The following COL11A1 variants were observed in gnomAD, a reference collection of about 807,000 sequenced individuals.
The protein encoded by COL11A1 is collagen type XI alpha 1 chain.
COL11A1 carries 74 observed loss-of-function variants against 265.2 expected under a neutral mutation model. That is an observed-to-expected ratio of 0.28 (90% CI 0.23 to 0.34). COL11A1 has a LOEUF of 0.34. Among genes scored for constraint, COL11A1 ranks in the 10% least tolerant of loss-of-function variants. The pLI is 1.00. For synonymous variants in COL11A1, 816 were observed against 727.6 expected (o/e 1.12, Z -1.96); for missense variants, 2,165 against 2,263.6 (o/e 0.96, Z 0.88).
In COL11A1 at chr1:103,031,200, T is replaced by C. The variant is rs757477590; in HGVS notation, c.696A>G (p.Ala232=). ...QFLITGDPKA[A]YDYCEHYSPD... is the part of the protein sequence containing the mutation. Reference sequence around the variant, plus strand: ...GACTATAATGCTCACAGTAGTCATATGCTGCCTTGGGATCACCTGTGATCA... The same window carrying C: ...GACTATAATGCTCACAGTAGTCATACGCTGCCTTGGGATCACCTGTGATCA... The change falls in exon 5 of 67, where the codon GCA becomes GCG. Residue 232 remains alanine (A), a synonymous_variant. Transcript: ENST00000370096. The C allele has an allele frequency of 6.2e-7, 1 of 1,610,812 alleles. No homozygotes were observed. Among genetic ancestry groups the C allele is most frequent in the Non-Finnish European group, 8.5e-7 (1 of 1,179,602 alleles).
At chr1:102,935,599 T>C (rs1658053988) in intron 44 of COL11A1, among the ~76,000 whole-genome samples, 1 of 152,186 alleles carries the variant, frequency 6.6e-6, no homozygotes, top group African/African-American at 2.4e-5. Flanking sequence ...TGTAAACTAA[T>C]TGTTATATAT....
At chr1:103,068,291 C>A (rs1342233654) in intron 4 of COL11A1, among the ~76,000 whole-genome samples, 2 of 151,462 alleles carry the variant, frequency 1.3e-5, no homozygotes, top group Non-Finnish European at 3.0e-5. Flanking sequence ...AAAGTTATTT[C>A]TAAATATTTG....
At chr1:102,973,763 C>T (rs1455175809) in intron 36 of COL11A1, among the ~76,000 whole-genome samples, 1 of 152,028 alleles carries the variant, frequency 6.6e-6, no homozygotes, top group East Asian at 1.9e-4. Context: ...CAATACTTTC[C>T]TAATATCTTT....
intron 6 of COL11A1, chr1:103,026,011 G>C (rs1667482737): frequency 1.1e-5 from 17 of 1,537,854 alleles, no homozygotes; most frequent in Non-Finnish European, 9.0e-7. Flanking sequence ...GGGAAATATA[G>C]AGCACAGATG....
intron 44 of COL11A1, 49 bp from the exon 45 acceptor site, chr1:102,935,162 C>T (rs1658017269): frequency 2.7e-6 from 4 of 1,496,936 alleles, no homozygotes; most frequent in Middle Eastern, 1.7e-4. Flanking sequence ...CCAGAAGAGC[C>T]TCAGCCATAT....
At chr1:102,975,261 C>T (rs563545576) in intron 35 of COL11A1, among the ~76,000 whole-genome samples, 12 of 132,908 alleles carry the variant, frequency 9.0e-5, no homozygotes, top group Middle Eastern at 3.9e-3. Flanking sequence ...TCCACAGCCC[C>T]GCTTAAAAAA....
At chr1:103,019,728 T>TCCCTCCC (rs1351279054) in intron 9 of COL11A1, among the ~76,000 whole-genome samples, 2 of 119,766 alleles carry the variant, frequency 1.7e-5, no homozygotes, top group Admixed American at 9.1e-5. Context: ...CCCAATGCTA[T>TCCCTCCC]CCCTCCCCCC....
Position 102,935,259 on chromosome 1 carries a change from A to T in COL11A1, c.3439-146T>A, listed in dbSNP as rs184863668. On this transcript the variant is annotated intron_variant, in intron 44 of 66. Coordinates refer to ENST00000370096, the MANE Select transcript of COL11A1 (RefSeq NM_001854.4). ...CATCACATAGAATTATTTTGCATTT[A>T]CTGCAATCATTATTTATTTTACTCC... 1.8e-4 allele frequency: 118 copies of T among 660,820 alleles called. 1 individual carries two copies. In the African/African-American group the frequency reaches 2.1e-3, roughly 12 times the overall value. 40.9% of individuals were successfully genotyped at this position (660,820 alleles called of 1,614,324 possible). A position where few individuals can be genotyped will look rare whatever the true frequency, so the allele number is the denominator to read the frequency against.
intron 24 of COL11A1, chr1:103,001,349 G>C (rs190934178): frequency 1.8e-5 from 7 of 396,086 alleles, no homozygotes; most frequent in Non-Finnish European, 2.7e-5. Flanking sequence ...AAAAGGTGTT[G>C]GAAAGAGCCA....
intron 5 of COL11A1, among the ~76,000 whole-genome samples, chr1:103,030,005 C>T (rs1015441433): frequency 1.3e-5 from 2 of 151,912 alleles, no homozygotes; most frequent in African/African-American, 4.8e-5. Flanking sequence ...ACAGTAAATG[C>T]TATAAATTTT....
intron 35 of COL11A1, among the ~76,000 whole-genome samples, chr1:102,978,391 T>C (rs1216189119): frequency 2.0e-5 from 3 of 152,160 alleles, no homozygotes; most frequent in Non-Finnish European, 2.9e-5. Flanking sequence ...AGCAAGCTGA[T>C]TGGAGAAGAG....
chr1:103,100,905 A>C (rs139850562), intron 1 of COL11A1, among the ~76,000 whole-genome samples: 3 of 152,078 alleles, frequency 2.0e-5, no homozygotes, highest in Non-Finnish European at 4.4e-5. Context: ...ACTTCCAGGA[A>C]AACTGTCTCA....
At chr1:102,995,124 T>C (rs1232397620) in intron 28 of COL11A1, among the ~76,000 whole-genome samples, 2 of 152,104 alleles carry the variant, frequency 1.3e-5, no homozygotes, top group Non-Finnish European at 2.9e-5. Context: ...AGATGAGATT[T>C]GGGTGGGCAT....
At chr1:103,022,207 A>G (rs1158145925) in intron 8 of COL11A1, among the ~76,000 whole-genome samples, 1 of 151,828 alleles carries the variant, frequency 6.6e-6, no homozygotes, top group African/African-American at 2.4e-5. Context: ...ATTTAAAACA[A>G]CCTATTAAAA....
At chr1:102,968,726 T>A (rs1661673539) in intron 37 of COL11A1, among the ~76,000 whole-genome samples, 1 of 152,162 alleles carries the variant, frequency 6.6e-6, no homozygotes, top group Admixed American at 6.5e-5. Flanking sequence ...GGAATATAAT[T>A]TTTTCAGAAA....
intron 54 of COL11A1, among the ~76,000 whole-genome samples, chr1:102,903,454 T>A (rs1202613163): frequency 6.6e-6 from 1 of 152,146 alleles, no homozygotes; most frequent in Non-Finnish European, 1.5e-5. Flanking sequence ...ATAAAAAAAA[T>A]TGTGGCTTTT....
intron 28 of COL11A1, among the ~76,000 whole-genome samples, chr1:102,991,630 G>A (rs1664144287): frequency 6.6e-6 from 1 of 152,134 alleles, no homozygotes; most frequent in Admixed American, 6.6e-5. Context: ...ATTAACCTGT[G>A]AGTCTCCAGT....
intron 66 of COL11A1, 22 bp downstream of exon 66, chr1:102,879,661 G>A: frequency 6.2e-7 from 1 of 1,602,976 alleles, no homozygotes; most frequent in Admixed American, 1.7e-5. Flanking sequence ...TGTGAAGGGA[G>A]ACAAGCAGAA....
At chr1:102,941,128 A>G (rs1394243270) in intron 42 of COL11A1, among the ~76,000 whole-genome samples, 1 of 152,086 alleles carries the variant, frequency 6.6e-6, no homozygotes, top group East Asian at 1.9e-4. Flanking sequence ...GGGAATCTAC[A>G]AGTCATTAGG....
Sources: allele counts gnomAD v4.1 joint callset (sites outside exome capture counted in the v4.1 genomes callset), GRCh38; gene constraint gnomAD v4.1.1; transcripts MANE v1.5; gene names NCBI Gene and HGNC (gene_info 2026-07-23, HGNC 2026-07-21).